Variants in DIS3L2 observed in about 807,000 individuals in gnomAD.
The protein encoded by DIS3L2 is DIS3 like 3'-5' exoribonuclease 2.
In DIS3L2, 34 loss-of-function variants were observed where a neutral mutation model predicts 97.5. The observed-to-expected ratio is 0.35, with a 90% CI of 0.27 to 0.46. The LOEUF (loss-of-function observed/expected upper bound fraction) is 0.46, where lower values mean the gene tolerates loss of function less well. DIS3L2 is among the 20% of genes least tolerant of loss of function. The pLI is 1.00. For missense variants in DIS3L2, 1,038 were observed against 1,146.0 expected (o/e 0.91, Z 1.36); for synonymous variants, 435 against 445.2 (o/e 0.98, Z 0.29).
intron 10 of DIS3L2, among the ~76,000 whole-genome samples, chr2:232,237,920 A>G (rs993952387): frequency 7.2e-5 from 11 of 152,332 alleles, no homozygotes; most frequent in African/African-American, 2.6e-4. Flanking sequence ...GAGGTTTCCC[A>G]TGACAGCTAC....
At chr2:232,337,238 C>T (rs543222269), downstream of DIS3L2, 32 of 979,974 alleles carry the variant, frequency 3.3e-5, no homozygotes, top group Middle Eastern at 1.0e-3. Context: ...CTGTGTCTGA[C>T]GAATGTGACT....
intron 9 of DIS3L2, among the ~76,000 whole-genome samples, chr2:232,188,590 G>A (rs963259174): frequency 1.3e-5 from 2 of 152,126 alleles, no homozygotes; most frequent in South Asian, 4.1e-4. Context: ...AATGGGTCAT[G>A]GGCTTAAGTA....
intron 9 of DIS3L2, among the ~76,000 whole-genome samples, chr2:232,187,745 A>G (rs1488922756): frequency 1.3e-5 from 2 of 152,122 alleles, no homozygotes; most frequent in Non-Finnish European, 2.9e-5. Flanking sequence ...CTGAATGTTT[A>G]TATCAGCATT....
intron 5 of DIS3L2, among the ~76,000 whole-genome samples, chr2:232,053,549 TC>T (rs1695465108): frequency 6.6e-6 from 1 of 152,186 alleles, no homozygotes; most frequent in Admixed American, 6.5e-5. Flanking sequence ...CAGGTGCCAG[TC>T]ACAGTCCGGG....
intron 1 of DIS3L2, among the ~76,000 whole-genome samples, chr2:231,974,168 G>A (rs1277633418): frequency 6.6e-6 from 1 of 152,118 alleles, no homozygotes; most frequent in Non-Finnish European, 1.5e-5. Context: ...AATTGGTGAA[G>A]TGGGGGACAA....
chr2:232,283,404 G>A (rs879850639), intron 13 of DIS3L2, among the ~76,000 whole-genome samples: 11 of 152,150 alleles, frequency 7.2e-5, no homozygotes, highest in Non-Finnish European at 1.6e-4. Flanking sequence ...TTATAGGCAC[G>A]TGTCTTCATG....
chr2:231,989,438 T>C (rs1484375623), intron 1 of DIS3L2, among the ~76,000 whole-genome samples: 5 of 151,994 alleles, frequency 3.3e-5, no homozygotes, highest in Admixed American at 6.6e-5. Context: ...AATTATTTAA[T>C]TTGATGATGA....
chr2:232,320,153 A>G (rs1313221105), intron 14 of DIS3L2, among the ~76,000 whole-genome samples: 1 of 151,024 alleles, frequency 6.6e-6, no homozygotes, highest in Non-Finnish European at 1.5e-5. Flanking sequence ...GGGCACATGA[A>G]GATGTCAGGG....
chr2:232,334,462 A>G lies in DIS3L2; in HGVS notation c.2252A>G (p.Glu751Gly), dbSNP rs1695875675. 1.2e-6 allele frequency: 2 copies of G among 1,613,836 alleles called. No individual in the cohort carries two copies. Among genetic ancestry groups the G allele is most frequent in the Admixed American group, 1.7e-5 (1 of 60,006 alleles). ...DRRMASKRVQ[E>G]LSTSLFFAVL... ...CGCATGGCGTCCAAGCGCGTGCAGG[A>G]GCTCAGTACCAGTCTCTTCTTTGCT... The change falls in exon 18 of 21, where the codon GAG (glutamate) becomes GGG (glycine). Residue 751 changes from glutamate to glycine, a missense_variant. This residue lies in a region of DIS3L2 where 221 missense variants were observed against 246.9 expected (regional missense o/e 0.90). Transcript: ENST00000325385.
intron 9 of DIS3L2, among the ~76,000 whole-genome samples, chr2:232,176,558 A>G (rs928809030): frequency 1.3e-5 from 2 of 149,932 alleles, no homozygotes; most frequent in African/African-American, 4.9e-5. Context: ...GTGGAAGTTT[A>G]TGTTATTGAG....
At chr2:232,313,990 C>T (rs1695204135) in intron 14 of DIS3L2, among the ~76,000 whole-genome samples, 1 of 152,246 alleles carries the variant, frequency 6.6e-6, no homozygotes, top group African/African-American at 2.4e-5. Flanking sequence ...GTCCCTCCCA[C>T]AACACATAGG....
chr2:232,076,976 T>G (rs954362694), intron 5 of DIS3L2, among the ~76,000 whole-genome samples: 3 of 152,162 alleles, frequency 2.0e-5, no homozygotes, highest in Non-Finnish European at 4.4e-5. Flanking sequence ...GTGTTCCCCT[T>G]AAAATGCTGA....
At chr2:232,032,668 T>A (rs865967281) in intron 5 of DIS3L2, among the ~76,000 whole-genome samples, 8 of 152,222 alleles carry the variant, frequency 5.3e-5, no homozygotes, top group Non-Finnish European at 1.2e-4. Flanking sequence ...CATCTTGAGT[T>A]AATTTTTGTA....
At chr2:232,045,782 C>A (rs368990947) in intron 5 of DIS3L2, among the ~76,000 whole-genome samples, 2 of 147,834 alleles carry the variant, frequency 1.4e-5, no homozygotes, top group East Asian at 4.1e-4. Context: ...TCAAGCAATT[C>A]CCTTGCCTCA....
At chr2:232,330,992 C>T (rs1457335346) in intron 16 of DIS3L2, among the ~76,000 whole-genome samples, 2 of 152,224 alleles carry the variant, frequency 1.3e-5, no homozygotes, top group Non-Finnish European at 2.9e-5. Context: ...GAGTTTGAGC[C>T]GCTGTCTCCT....
At chr2:232,097,767 G>A (rs578035180) in intron 6 of DIS3L2, among the ~76,000 whole-genome samples, 1 of 152,156 alleles carries the variant, frequency 6.6e-6, no homozygotes, top group Non-Finnish European at 1.5e-5. Flanking sequence ...GGTACCTAAG[G>A]TGCAAGACAA....
At chr2:232,326,070 G>A (rs1216803860) in intron 14 of DIS3L2, among the ~76,000 whole-genome samples, 1 of 152,218 alleles carries the variant, frequency 6.6e-6, no homozygotes, top group African/African-American at 2.4e-5. Context: ...CCCCAGGAGA[G>A]GGAGGGAGGA....
At chr2:232,285,419 G>A (rs1228350413) in intron 13 of DIS3L2, among the ~76,000 whole-genome samples, 1 of 152,250 alleles carries the variant, frequency 6.6e-6, no homozygotes, top group Non-Finnish European at 1.5e-5. Context: ...GGGTGGGTCA[G>A]TCTACTGAGC....
chr2:232,067,531 A>G (rs886366690), intron 5 of DIS3L2, among the ~76,000 whole-genome samples: 1 of 152,192 alleles, frequency 6.6e-6, no homozygotes, highest in Non-Finnish European at 1.5e-5. Context: ...CTTGAAACCT[A>G]CAGAAATTCA....
Sources: allele counts gnomAD v4.1 joint callset (sites outside exome capture counted in the v4.1 genomes callset), GRCh38; gene constraint gnomAD v4.1.1; regional missense constraint gnomAD v4.1.1; transcripts MANE v1.5; gene names NCBI Gene and HGNC (gene_info 2026-07-23, HGNC 2026-07-21).